RRP12: variants seen among roughly 807,000 people sequenced by gnomAD.
The protein encoded by RRP12 is ribosomal RNA processing 12 homolog.
In RRP12, 78 loss-of-function variants were observed where a neutral mutation model predicts 157.3. That is an observed-to-expected ratio of 0.50 (90% CI 0.41 to 0.60). The LOEUF (loss-of-function observed/expected upper bound fraction) is 0.60, where lower values mean the gene tolerates loss of function less well. RRP12 is among the 20% of genes least tolerant of loss of function. The pLI is 0.00. For missense variants in RRP12, 1,521 were observed against 1,679.9 expected, an observed-to-expected ratio of 0.91 and a Z score of 1.65; for synonymous variants, 726 against 670.9, an observed-to-expected ratio of 1.08 and a Z score of -1.27.
At chr10:97,393,296 AC>A (rs1191885745) in intron 4 of RRP12, 1 of 438,242 alleles carries the variant, frequency 2.3e-6, no homozygotes, top group Non-Finnish European at 4.5e-6. Flanking sequence ...CACTGAGCAC[AC>A]ATGGAACCAG....
rs148430018 is a variant in RRP12 at position 97,391,172 on chromosome 10, C to T, written c.531-328G>A. On this transcript the variant is annotated intron_variant, in intron 4 of 33. Coordinates refer to ENST00000370992, the MANE Select transcript of RRP12 (RefSeq NM_015179.4). ...TCTGCCACTCACTGCTCCAGGAATG[C>T]CCCTTCTGGGGGCCAACACTCACAC... Among the ~76,000 whole-genome samples the T allele has an allele frequency of 3.9e-5, 6 of 152,322 alleles. No homozygotes were observed. The East Asian group carries it at 1.2e-3, about 29-fold the overall frequency.
chr10:97,377,844 C>CAAAAAAAAAA (rs57212325), intron 15 of RRP12, among the ~76,000 whole-genome samples: 8 of 48,406 alleles, frequency 1.7e-4, no homozygotes, highest in East Asian at 6.2e-4. Flanking sequence ...GACTTCATCT[C>CAAAAAAAAAA]AAAAAAAAAA....
intron 3 of RRP12, among the ~76,000 whole-genome samples, chr10:97,395,227 C>T (rs1844924798): frequency 6.6e-6 from 1 of 151,810 alleles, no homozygotes; most frequent in South Asian, 2.1e-4. Context: ...CACACACATA[C>T]ATACATACAC....
intron 30 of RRP12, among the ~76,000 whole-genome samples, chr10:97,362,406 A>G (rs1280490143): frequency 6.6e-6 from 1 of 152,240 alleles, no homozygotes; most frequent in Non-Finnish European, 1.5e-5. Flanking sequence ...GGAAAAGTGA[A>G]TAATCAAGTC....
chr10:97,384,673 C>T (rs1315042012), intron 10 of RRP12, among the ~76,000 whole-genome samples: 1 of 150,160 alleles, frequency 6.7e-6, no homozygotes, highest in Non-Finnish European at 1.5e-5. Context: ...ACTCCATAAC[C>T]TCAGCAGCCA....
Position 97,373,909 on chromosome 10 carries a change from A to C in RRP12, c.1799-15T>G. ...CAGGTCCATGGCTGCAGTGTGACAG[A>C]GGGACAGAGTGTGAGCCCAGCACCC... On this transcript the variant is annotated splice_polypyrimidine_tract_variant and intron_variant, in intron 15 of 33. Transcript: ENST00000370992. The C allele has an allele frequency of 6.2e-7, 1 of 1,611,560 alleles. No individual in the cohort carries two copies. The highest frequency in any genetic ancestry group is 1.3e-5 in the African/African-American group (1 of 74,998).
In RRP12 at chr10:97,370,280, G is replaced by C. The variant is rs1369478510; in HGVS notation, c.2690-6C>G. Reference sequence around the variant, plus strand: ...GAGGTAGCACTGCAGGGCCTCTGGGGACAGAGACCAACGTGGGTCAAGCAG... The same window carrying C: ...GAGGTAGCACTGCAGGGCCTCTGGGCACAGAGACCAACGTGGGTCAAGCAG... On this transcript the variant is annotated splice_polypyrimidine_tract_variant and splice_region_variant and intron_variant, in intron 23 of 33. Coordinates refer to ENST00000370992, the MANE Select transcript of RRP12 (RefSeq NM_015179.4). 2.5e-6 allele frequency: 4 copies of C among 1,580,202 alleles called. No homozygotes were observed. Among genetic ancestry groups the C allele is most frequent in the Non-Finnish European group, 3.4e-6 (4 of 1,161,300 alleles).
chr10:97,382,671 C>T (rs1844503359), intron 10 of RRP12, among the ~76,000 whole-genome samples: 1 of 152,174 alleles, frequency 6.6e-6, no homozygotes. Flanking sequence ...GAAACAATCA[C>T]ATCATACCTG....
intron 14 of RRP12, 73 bp from the exon 15 acceptor site, chr10:97,379,487 C>A (rs1218680834): frequency 6.2e-7 from 1 of 1,603,538 alleles, no homozygotes; most frequent in African/African-American, 1.3e-5. Context: ...CATACTGAGC[C>A]CAGGACAGAG....
chr10:97,359,649 C>A (rs545394143), intron 31 of RRP12, among the ~76,000 whole-genome samples: 22 of 152,330 alleles, frequency 1.4e-4, no homozygotes, highest in Non-Finnish European at 2.9e-5. Context: ...CACGAACCAC[C>A]CCCATTCCTC....
chr10:97,393,825 T>TG, intron 3 of RRP12, 65 bp from the exon 4 acceptor site: 2 of 1,312,284 alleles, frequency 1.5e-6, no homozygotes, highest in Non-Finnish European at 2.2e-6. Flanking sequence ...GGAAAGAGAG[T>TG]GGGGGAACAT....
intron 30 of RRP12, 38 bp from the exon 31 acceptor site, chr10:97,360,656 G>C (rs1185087207): frequency 6.6e-7 from 1 of 1,509,572 alleles, no homozygotes. Flanking sequence ...AGTGAACCAG[G>C]GGATGTGCCC....
chr10:97,390,549 A>T lies in RRP12; in HGVS notation c.637-10T>A, dbSNP rs1844774011. On this transcript the variant is annotated splice_polypyrimidine_tract_variant and intron_variant, in intron 5 of 33. Coordinates refer to ENST00000370992, the MANE Select transcript of RRP12 (RefSeq NM_015179.4). The stretch of plus-strand genomic sequence containing the variant: ...CCAGGCAGGAAAGGACCTGGAAGAA[A>T]GTCAGAGTCCCTCAGTGCCACCAGC... 2 of 1,603,794 alleles carry T rather than the reference A, an allele frequency of 1.2e-6. No homozygotes were observed. The highest frequency in any genetic ancestry group is 1.7e-6 in the Non-Finnish European group (2 of 1,171,124).
At chr10:97,385,126 G>T in intron 10 of RRP12, 40 bp downstream of exon 10, 3 of 1,429,138 alleles carry the variant, frequency 2.1e-6, no homozygotes, top group Non-Finnish European at 2.9e-6. Context: ...CACCTCAACA[G>T]CCTGGACAGA....
intron 20 of RRP12, 63 bp downstream of exon 20, chr10:97,372,010 C>T: frequency 8.5e-7 from 1 of 1,178,118 alleles, no homozygotes; most frequent in African/African-American, 1.5e-5. Flanking sequence ...ACAGGCCCCA[C>T]CTTCCCACAG....
At chr10:97,359,707 C>G (rs999636055) in intron 31 of RRP12, among the ~76,000 whole-genome samples, 13 of 152,222 alleles carry the variant, frequency 8.5e-5, no homozygotes, top group African/African-American at 3.1e-4. Context: ...GACAGTGTAA[C>G]CAGGCCAAGG....
At position 97,379,299 on chromosome 10, in the gene RRP12, T is replaced by G; in HGVS notation, c.1792A>C (p.Ser598Arg). The G allele has an allele frequency of 6.2e-7, 1 of 1,614,010 alleles. No homozygotes were observed. Among genetic ancestry groups the G allele is most frequent in the Non-Finnish European group, 8.5e-7 (1 of 1,179,932 alleles). ...YFLPLANTLK[S>R]KAMDLAQAGS... ...AGGCAAGGGTCTCTCCTACCTTTGC[T>G]CTTCAGGGTGTTAGCCAGGGGCAAG... Residue 598 changes from serine to arginine, a missense_variant, in exon 15 of 34, where the codon AGC becomes CGC. Coordinates refer to ENST00000370992, the MANE Select transcript of RRP12 (RefSeq NM_015179.4).
chr10:97,364,016 G>A, intron 29 of RRP12, 113 bp from the exon 30 acceptor site: 1 of 881,504 alleles, frequency 1.1e-6, no homozygotes, highest in South Asian at 1.3e-5. Flanking sequence ...TCCGGCCCCA[G>A]AAAATTGCCT....
chr10:97,371,973 G>A, intron 20 of RRP12, 100 bp downstream of exon 20: 1 of 749,618 alleles, frequency 1.3e-6, no homozygotes, highest in Non-Finnish European at 2.2e-6. Flanking sequence ...CTGATCTCGG[G>A]AAGCAGCAAG....
Sources: gnomAD v4.1 joint callset for allele counts (sites outside exome capture counted in the v4.1 genomes callset) on GRCh38, gnomAD v4.1.1 for gene constraint, MANE v1.5 for transcripts, NCBI Gene and HGNC (gene_info 2026-07-23, HGNC 2026-07-21) for gene names.